Variants in CCDC51 observed in about 807,000 individuals in gnomAD.
CCDC51 encodes mitochondrial potassium channel.
In CCDC51, 25 loss-of-function variants were observed where a neutral mutation model predicts 24.8. The ratio of observed to expected loss-of-function variants is 1.01; its 90% CI spans 0.73 to 1.41. CCDC51 has a LOEUF of 1.41. CCDC51 is among the 40% of genes most tolerant of loss of function. The pLI is 0.00. For missense variants in CCDC51, 466 were observed against 519.1 expected (o/e 0.90, Z 0.99); for synonymous variants, 190 against 204.3 (o/e 0.93, Z 0.60).
intron 2 of CCDC51, 96 bp downstream of exon 2, chr3:48,434,721 C>T: frequency 8.6e-7 from 1 of 1,163,750 alleles, no homozygotes; most frequent in Non-Finnish European, 1.2e-6. Context: ...TGAGGCTAAA[C>T]ACAAGTCTGG....
chr3:48,441,547 C>G (rs2039568480), upstream of CCDC51, among the ~76,000 whole-genome samples: 1 of 149,836 alleles, frequency 6.7e-6, no homozygotes, highest in South Asian at 2.1e-4. Flanking sequence ...CTTTCTGAGT[C>G]TTTTTACTTC....
At chr3:48,440,150 C>A, upstream of CCDC51, 1 of 1,360,226 alleles carries the variant, frequency 7.4e-7, no homozygotes, top group Non-Finnish European at 9.8e-7. Flanking sequence ...CCTGTTAGTA[C>A]CCGCCCCTGG....
upstream of CCDC51, among the ~76,000 whole-genome samples, chr3:48,444,803 C>G (rs898446095): frequency 6.6e-6 from 1 of 152,114 alleles, no homozygotes; most frequent in African/African-American, 2.4e-5. Context: ...CCATGCGCAC[C>G]AAACAGGTCC....
chr3:48,439,737 G>C (rs1304101246), intron 1 of CCDC51, among the ~76,000 whole-genome samples: 1 of 152,170 alleles, frequency 6.6e-6, no homozygotes, highest in African/African-American at 2.4e-5. Context: ...GAGTTGTATG[G>C]CCATCACCAA....
upstream of CCDC51, chr3:48,440,356 G>T: frequency 6.2e-7 from 1 of 1,611,884 alleles, no homozygotes; most frequent in Non-Finnish European, 8.5e-7. Context: ...CGGCGGGGTG[G>T]GGACCGGGCG....
chr3:48,434,102 C>G, intron 2 of CCDC51: 1 of 963,990 alleles, frequency 1.0e-6, no homozygotes, highest in South Asian at 2.2e-5. Flanking sequence ...AAATAACATG[C>G]CCCTGAAAAA....
Position 48,432,531 on chromosome 3 carries a change from C to G in CCDC51, c.1113G>C (p.Leu371=). 6.2e-7 allele frequency: 1 copy of G among 1,614,238 alleles called. No homozygotes were observed. Among genetic ancestry groups the G allele is most frequent in the Non-Finnish European group, 8.5e-7 (1 of 1,180,054 alleles). The change falls in exon 4 of 4, where the codon CTG becomes CTC. Residue 371 remains leucine, a synonymous_variant. Transcript: ENST00000395694. The part of the protein sequence containing the change: ...LLEQGSMILA[L]SDTEQRLEAQ... ...CTTCTAGTCTCTGCTCCGTGTCTGA[C>G]AGTGCCAAGATCATGCTCCCCTGCT...
chr3:48,435,119 G>A lies in CCDC51; in HGVS notation c.10C>T (p.Arg4Cys), dbSNP rs373870824. The A allele has an allele frequency of 2.5e-6, 4 of 1,579,658 alleles. No homozygotes were observed. Among genetic ancestry groups the A allele is most frequent in the South Asian group, 1.2e-5 (1 of 84,878 alleles). Residue 4 changes from arginine to cysteine, a missense_variant, in exon 2 of 4, where the codon CGC (arginine) becomes TGC (cysteine). Physicochemically the swap from Arg to Cys is radical, Grantham distance 180. Coordinates refer to ENST00000395694, the MANE Select transcript of CCDC51 (RefSeq NM_001256964.2). This position sits in a 1 kb window ranked among gnomAD's most constrained non-coding sequence, Gnocchi z 4.2. ...TGCTGCATGGCAAACCCAGGGCTGCGCCCCATCATCCTGAGATCTGTGAGG... is the reference window on the plus strand; with the variant it reads ...TGCTGCATGGCAAACCCAGGGCTGCACCCCATCATCCTGAGATCTGTGAGG... The part of the protein sequence containing the change: MMG[R>C]SPGFAMQHIV...
In CCDC51 at chr3:48,432,468, G is replaced by C. The variant is rs1017525497; in HGVS notation, c.1176C>G (p.Val392=). The C allele has an allele frequency of 1.9e-6, 3 of 1,614,244 alleles. No individual in the cohort carries two copies. Among genetic ancestry groups the C allele is most frequent in the Non-Finnish European group, 2.5e-6 (3 of 1,180,050 alleles). The part of the protein sequence containing the change: ...VNRNTIYSTL[V]TCVTFVATLP... The stretch of plus-strand genomic sequence containing the variant: ...GTGTGGCCACAAATGTCACACAGGT[G>C]ACCAGGGTGCTATAGATGGTGTTCC... Residue 392 remains valine, a synonymous_variant, in exon 4 of 4, where the codon GTC becomes GTG. Transcript: ENST00000395694.
Position 48,437,469 on chromosome 3 carries a change from A to G in CCDC51, c.-8-2333T>C, listed in dbSNP as rs1293969872. On this transcript the variant is annotated intron_variant, in intron 1 of 3. Transcript: ENST00000395694. This position sits in a 1 kb window ranked among gnomAD's most constrained non-coding sequence, Gnocchi z 4.2. ...AGCAAGGAGAAGAATGTTCCTGGCA[A>G]AGAGAAAAGGTGGAAAGTGCTTGAG... Among the ~76,000 whole-genome samples the G allele has an allele frequency of 6.6e-6, 1 of 152,098 alleles. No homozygotes were observed. The highest frequency in any genetic ancestry group is 1.9e-4 in the East Asian group (1 of 5,176).
At chr3:48,445,064 T>C (rs1560098688), upstream of CCDC51, 1 of 152,432 alleles carries the variant, frequency 6.6e-6, no homozygotes, top group African/African-American at 2.4e-5. Flanking sequence ...TCCCAGCCAT[T>C]TGGGAGGCTG....
the CCDC51 span, chr3:48,446,430 A>T: frequency 6.2e-6 from 1 of 160,022 alleles, no homozygotes; most frequent in African/African-American, 2.4e-5. Flanking sequence ...ACATCCCTGA[A>T]TGATGCCTGG....
Position 48,436,758 on chromosome 3 carries a change from C to T in CCDC51, c.-8-1622G>A, listed in dbSNP as rs200158323. Among the ~76,000 whole-genome samples, 4 of 152,330 alleles carry T rather than the reference C, an allele frequency of 2.6e-5. No homozygotes were observed. The East Asian group carries it at 7.7e-4, about 29-fold the overall frequency. On this transcript the variant is annotated intron_variant, in intron 1 of 3. Transcript: ENST00000395694. ...TGGCTTCCTCCAACCTTCTCAGCCT[C>T]CTTTCCCAGCACCTCCTCTACTAGC... is the stretch of plus-strand genomic sequence containing the variant.
At chr3:48,445,790 C>G in the CCDC51 span, among the ~76,000 whole-genome samples, 1 of 152,192 alleles carries the variant, frequency 6.6e-6, no homozygotes, top group African/African-American at 2.4e-5. Flanking sequence ...TGGCACTGAG[C>G]AGGTAAGGCT....
chr3:48,445,063 T>C (rs1175841663), upstream of CCDC51: 1 of 152,370 alleles, frequency 6.6e-6, no homozygotes, highest in Non-Finnish European at 1.5e-5. Flanking sequence ...GTCCCAGCCA[T>C]TTGGGAGGCT....
chr3:48,442,609 G>C (rs1348945990), upstream of CCDC51, among the ~76,000 whole-genome samples: 1 of 151,692 alleles, frequency 6.6e-6, no homozygotes, highest in East Asian at 2.0e-4. Flanking sequence ...ACACCACCAT[G>C]CCCGGCTAAT....
At chr3:48,441,050 C>G (rs2039550703), upstream of CCDC51, 2 of 195,714 alleles carry the variant, frequency 1.0e-5, no homozygotes, top group African/African-American at 2.5e-5. Flanking sequence ...GAGTCTCACT[C>G]TGTCTCCCAG....
upstream of CCDC51, chr3:48,443,819 C>T: frequency 4.5e-6 from 7 of 1,545,776 alleles, no homozygotes; most frequent in Non-Finnish European, 6.1e-6. Flanking sequence ...CTATATTTTT[C>T]CCTAATTGTG....
chr3:48,433,664 G>T lies in CCDC51; in HGVS notation c.477+43C>A. 6.3e-7 allele frequency: 1 copy of T among 1,588,262 alleles called. No homozygotes were observed. Among genetic ancestry groups the T allele is most frequent in the Non-Finnish European group, 8.6e-7 (1 of 1,164,498 alleles). On this transcript the variant is annotated intron_variant, in intron 3 of 3. Coordinates refer to ENST00000395694, the MANE Select transcript of CCDC51 (RefSeq NM_001256964.2). This position sits in a 1 kb window ranked among gnomAD's most constrained non-coding sequence, Gnocchi z 4.4. ...CCCCTCCATGATCTGCCAGGCTAGG[G>T]TCACTGTCCAGGTGCGAAAGGGCTG...
Sources: gnomAD v4.1 joint callset for allele counts (sites outside exome capture counted in the v4.1 genomes callset) on GRCh38, gnomAD v4.1.1 for gene constraint, Gnocchi (gnomAD v3.1) non-coding constraint, MANE v1.5 for transcripts, NCBI Gene and HGNC (gene_info 2026-07-23, HGNC 2026-07-21) for gene names.